RNF130: variants seen among roughly 807,000 people sequenced by gnomAD.
The protein encoded by RNF130 is ring finger protein 130.
Under a neutral mutation model 44.6 loss-of-function variants are expected in RNF130, and 21 were observed. The observed-to-expected ratio is 0.47, with a 90% CI of 0.33 to 0.68. RNF130 has a LOEUF of 0.68. Ranked by LOEUF, RNF130 falls within the 30% of genes least tolerant of loss-of-function variation. RNF130 has a pLI of 0.02. For missense variants in RNF130, 479 were observed against 560.6 expected, an observed-to-expected ratio of 0.85 and a Z score of 1.47; for synonymous variants, 214 against 210.4, an observed-to-expected ratio of 1.02 and a Z score of -0.15.
Position 180,013,110 on chromosome 5 carries a change from A to C in RNF130, c.644T>G (p.Phe215Cys). The C allele has an allele frequency of 6.2e-7, 1 of 1,614,104 alleles. No homozygotes were observed. The highest frequency in any genetic ancestry group is 8.5e-7 in the Non-Finnish European group (1 of 1,180,014). The change falls in exon 3 of 9, where the codon TTC becomes TGC. Residue 215 changes from phenylalanine to cysteine, a missense_variant. Around this residue, in one of 3 missense-constraint regions of RNF130, gnomAD observed 180 missense variants for 275.1 expected, o/e 0.65. Coordinates refer to ENST00000521389, the MANE Select transcript of RNF130 (RefSeq NM_018434.6). ...LMIISSAWLIFYFIQKIRYTN... is the reference protein window; with the variant it reads ...LMIISSAWLICYFIQKIRYTN... ...GTACCTGATCTTCTGAATGAAGTAG[A>C]ATATGAGCCATGCTGAAGAAATAAT...
At position 180,071,724 on chromosome 5, in the gene RNF130, T is replaced by C. The variant is rs1765277700; in HGVS notation, c.-22A>G. ...TCATCGTCCCTCCGGCAGCCGCCGC[T>C]GCTCGCGGACCGGGCTCCGGGGCCG... On this transcript the variant is annotated 5_prime_UTR_variant, in exon 1 of 9. Coordinates refer to ENST00000521389, the MANE Select transcript of RNF130 (RefSeq NM_018434.6). The C allele has an allele frequency of 5.7e-6, 7 of 1,234,860 alleles. No homozygotes were observed. The South Asian group carries it at 1.9e-4, about 34-fold the overall frequency. 76.5% of individuals were successfully genotyped at this position (1,234,860 alleles called of 1,614,324 possible).
intron 2 of RNF130, among the ~76,000 whole-genome samples, chr5:180,032,730 C>T (rs1464154299): frequency 6.6e-6 from 1 of 152,194 alleles, no homozygotes; most frequent in Non-Finnish European, 1.5e-5. Flanking sequence ...GCCTTGATTA[C>T]TAAAGTTGTG....
chr5:180,040,688 A>G, intron 1 of RNF130, 41 bp from the exon 2 acceptor site: 1 of 1,561,934 alleles, frequency 6.4e-7, no homozygotes, highest in East Asian at 2.3e-5. Flanking sequence ...GATAAATAAA[A>G]CTGACCAAGT....
chr5:179,946,252 A>G (rs1481262061), intron 7 of RNF130, among the ~76,000 whole-genome samples: 1 of 152,072 alleles, frequency 6.6e-6, no homozygotes, highest in Non-Finnish European at 1.5e-5. Context: ...GTGACTCTTC[A>G]CTGTCCATGT....
At chr5:180,025,854 A>G (rs756742374) in intron 2 of RNF130, among the ~76,000 whole-genome samples, 7 of 152,328 alleles carry the variant, frequency 4.6e-5, no homozygotes, top group Non-Finnish European at 8.8e-5. Flanking sequence ...CATTTTCTTG[A>G]TAGGCATTTA....
intron 1 of RNF130, among the ~76,000 whole-genome samples, chr5:180,058,985 C>T (rs1328824921): frequency 6.6e-6 from 1 of 152,110 alleles, no homozygotes; most frequent in Non-Finnish European, 1.5e-5. Flanking sequence ...TATTTTACCA[C>T]AATTAAAAAA....
chr5:179,980,309 C>A (rs1161895712), intron 3 of RNF130, 109 bp from the exon 4 acceptor site: 1 of 911,038 alleles, frequency 1.1e-6, no homozygotes, highest in East Asian at 2.5e-5. Flanking sequence ...ACATCCCTCT[C>A]CATGTCCTAC....
intron 2 of RNF130, among the ~76,000 whole-genome samples, chr5:180,035,620 A>G (rs1764232119): frequency 6.6e-6 from 1 of 152,194 alleles, no homozygotes; most frequent in South Asian, 2.1e-4. Context: ...AACTATAATG[A>G]TTGAAATGTC....
At position 179,938,675 on chromosome 5, in the gene RNF130, G is replaced by A. The variant is rs952533993; in HGVS notation, c.1151-18249C>T. ...ATATTTAAATAATTGTCAAAATTAA[G>A]TTGCCAGCATTCATGCACAATTAGA... is the stretch of plus-strand genomic sequence containing the variant. On this transcript the variant is annotated intron_variant, in intron 7 of 7. Coordinates refer to the RNF130 transcript ENST00000522208. Among the ~76,000 whole-genome samples the A allele has an allele frequency of 7.2e-5, 11 of 152,166 alleles. No homozygotes were observed. The East Asian group carries it at 1.9e-3, about 27-fold the overall frequency.
At chr5:179,984,692 T>C (rs949458787) in intron 3 of RNF130, among the ~76,000 whole-genome samples, 8 of 152,164 alleles carry the variant, frequency 5.3e-5, no homozygotes, top group African/African-American at 1.7e-4. Flanking sequence ...TCCTGGTCTG[T>C]AGTTTTGTTT....
At chr5:180,028,754 GTA>G (rs1243246090) in intron 2 of RNF130, among the ~76,000 whole-genome samples, 1 of 152,088 alleles carries the variant, frequency 6.6e-6, no homozygotes, top group Non-Finnish European at 1.5e-5. Flanking sequence ...CATATAGCAG[GTA>G]TAAATCGATA....
intron 7 of RNF130, among the ~76,000 whole-genome samples, chr5:179,930,846 C>T (rs1169082764): frequency 6.6e-6 from 1 of 150,914 alleles, no homozygotes; most frequent in Non-Finnish European, 1.5e-5. Context: ...CAAGACCAGC[C>T]CAGTAAACAT....
At chr5:180,026,093 T>C (rs1763978135) in intron 2 of RNF130, among the ~76,000 whole-genome samples, 2 of 151,152 alleles carry the variant, frequency 1.3e-5, no homozygotes, top group Non-Finnish European at 2.9e-5. Flanking sequence ...TGAAGAGCCA[T>C]TCAACTAATT....
chr5:179,953,814 GAATA>G (rs976922445), downstream of RNF130, among the ~76,000 whole-genome samples: 11 of 152,086 alleles, frequency 7.2e-5, no homozygotes, highest in East Asian at 3.8e-4. Flanking sequence ...CCAAGAAAGT[GAATA>G]AATAGTTTAG....
chr5:180,010,267 A>T lies in RNF130; in HGVS notation c.693+2794T>A, dbSNP rs866473388. On this transcript the variant is annotated intron_variant, in intron 3 of 8. Coordinates refer to ENST00000521389, the MANE Select transcript of RNF130 (RefSeq NM_018434.6). ...CTCAAAAAAAAAAAAAAAAAAAAAAAAAAAAGTATCTCAAGGTAATTATGC... is the reference window on the plus strand; with the variant it reads ...CTCAAAAAAAAAAAAAAAAAAAAAATAAAAAGTATCTCAAGGTAATTATGC... 2.5e-4 allele frequency among the ~76,000 whole-genome samples: 38 copies of T among 151,582 alleles called. No individual in the cohort carries two copies. In the South Asian group the frequency reaches 6.5e-3, roughly 26 times the overall value.
At chr5:179,968,685 AAAAG>A (rs1452247794) in intron 6 of RNF130, among the ~76,000 whole-genome samples, 1 of 151,818 alleles carries the variant, frequency 6.6e-6, no homozygotes, top group Non-Finnish European at 1.5e-5. Flanking sequence ...AAAAAAAAAA[AAAAG>A]AGAGAAAGTT....
intron 2 of RNF130, among the ~76,000 whole-genome samples, chr5:180,032,291 T>C (rs189914354): frequency 2.3e-3 from 352 of 152,266 alleles, no homozygotes; most frequent in African/African-American, 7.9e-3. Context: ...CTTCTAAAAG[T>C]TTACAGTTTT....
intron 2 of RNF130, among the ~76,000 whole-genome samples, chr5:180,027,800 AG>A (rs1379098869): frequency 6.6e-6 from 1 of 152,182 alleles, no homozygotes; most frequent in Non-Finnish European, 1.5e-5. Flanking sequence ...ATGGCAGAGA[AG>A]AAGCTAGGAA....
intron 1 of RNF130, among the ~76,000 whole-genome samples, chr5:180,046,010 G>A (rs764626585): frequency 9.8e-5 from 15 of 152,304 alleles, no homozygotes; most frequent in African/African-American, 2.6e-4. Context: ...AGGGGGCAGC[G>A]CTCGCCGGGG....
Sources: gnomAD v4.1 joint callset for allele counts (sites outside exome capture counted in the v4.1 genomes callset) on GRCh38, gnomAD v4.1.1 for gene constraint, gnomAD v4.1.1 regional missense constraint, MANE v1.5 for transcripts, NCBI Gene and HGNC (gene_info 2026-07-23, HGNC 2026-07-21) for gene names.